Variants in CSMD1 observed in about 807,000 individuals in gnomAD.
CSMD1 encodes the protein CUB and Sushi multiple domains 1, also known as CUB and sushi domain-containing protein 1.
A neutral mutation model predicts 417.5 loss-of-function variants in CSMD1; 213 were observed. That is an observed-to-expected ratio of 0.51 (90% CI 0.46 to 0.57). CSMD1 has a LOEUF of 0.57. CSMD1 is among the 20% of genes least tolerant of loss of function. The probability of loss-of-function intolerance (pLI) is 0.00; values close to 1 mark genes in which losing one functional copy is unlikely to be tolerated. For missense variants in CSMD1, 6,923 were observed against 4,529.7 expected (o/e 1.53, Z -15.17); for synonymous variants, 2,862 against 1,736.8 (o/e 1.65, Z -16.11).
chr8:3,864,158 T>C (rs553591624), intron 5 of CSMD1, among the ~76,000 whole-genome samples: 17 of 152,354 alleles, frequency 1.1e-4, no homozygotes, highest in African/African-American at 4.1e-4. Context: ...TGGATCACCT[T>C]TAATATTATA....
chr8:4,582,238 A>C (rs2725072), intron 2 of CSMD1, among the ~76,000 whole-genome samples: 1 of 151,810 alleles, frequency 6.6e-6, no homozygotes, highest in African/African-American at 2.4e-5. Context: ...GTCAATAATA[A>C]TAAAGGGCTG....
intron 49 of CSMD1, among the ~76,000 whole-genome samples, chr8:3,078,007 C>T (rs953303080): frequency 6.6e-6 from 1 of 152,188 alleles, no homozygotes; most frequent in Non-Finnish European, 1.5e-5. Context: ...TCACACGATC[C>T]CTTTGTTTGC....
chr8:4,392,150 A>T (rs1312730397), intron 3 of CSMD1, among the ~76,000 whole-genome samples: 1 of 152,182 alleles, frequency 6.6e-6, no homozygotes, highest in Non-Finnish European at 1.5e-5. Flanking sequence ...CTGACCACTG[A>T]AACTGTCATG....
At chr8:3,366,218 G>C (rs530444874) in intron 20 of CSMD1, among the ~76,000 whole-genome samples, 43 of 152,276 alleles carry the variant, frequency 2.8e-4, no homozygotes, top group Non-Finnish European at 5.6e-4. Context: ...CAGCTGTAGT[G>C]CAGCAGGGCC....
At chr8:4,789,059 C>T (rs888155331) in intron 1 of CSMD1, among the ~76,000 whole-genome samples, 4 of 152,200 alleles carry the variant, frequency 2.6e-5, no homozygotes, top group African/African-American at 9.7e-5. Flanking sequence ...ATTTATTCAA[C>T]TTCTTGGGAC....
At chr8:4,685,144 T>A (rs894736130) in intron 1 of CSMD1, among the ~76,000 whole-genome samples, 1 of 152,368 alleles carries the variant, frequency 6.6e-6, no homozygotes, top group African/African-American at 2.4e-5. Flanking sequence ...GAAATAATCA[T>A]TGTATGTTGT....
chr8:3,805,282 G>A (rs1360231532), intron 5 of CSMD1, among the ~76,000 whole-genome samples: 2 of 152,146 alleles, frequency 1.3e-5, no homozygotes, highest in African/African-American at 4.8e-5. Flanking sequence ...GCATCGCAGA[G>A]GAAGGAGCCA....
chr8:4,567,321 T>C (rs548204981), intron 2 of CSMD1, among the ~76,000 whole-genome samples: 1 of 152,278 alleles, frequency 6.6e-6, no homozygotes, highest in South Asian at 2.1e-4. Context: ...TTATTAAAAG[T>C]AAGCAAAACA....
At chr8:4,158,456 A>T (rs766263287) in intron 3 of CSMD1, among the ~76,000 whole-genome samples, 7 of 152,192 alleles carry the variant, frequency 4.6e-5, no homozygotes, top group Non-Finnish European at 8.8e-5. Context: ...AGAAACAGTA[A>T]TACTAATACA....
chr8:3,133,171 G>A (rs1490712324), intron 41 of CSMD1, among the ~76,000 whole-genome samples: 2 of 152,174 alleles, frequency 1.3e-5, no homozygotes, highest in Non-Finnish European at 1.5e-5. Context: ...GGGGGAGGCC[G>A]ACCTGGGGCC....
intron 5 of CSMD1, among the ~76,000 whole-genome samples, chr8:3,815,603 A>T (rs1801325237): frequency 6.7e-6 from 1 of 149,614 alleles, no homozygotes; most frequent in Non-Finnish European, 1.5e-5. Context: ...ATGACTTAAA[A>T]ATGTCTATCA....
At chr8:4,290,582 T>A (rs1396904448) in intron 3 of CSMD1, among the ~76,000 whole-genome samples, 1 of 152,350 alleles carries the variant, frequency 6.6e-6, no homozygotes, top group East Asian at 1.9e-4. Flanking sequence ...CTGTCTCCCA[T>A]GCTTCATACA....
At chr8:3,192,829 G>C (rs1360987645) in intron 33 of CSMD1, among the ~76,000 whole-genome samples, 1 of 151,906 alleles carries the variant, frequency 6.6e-6, no homozygotes, top group Non-Finnish European at 1.5e-5. Flanking sequence ...TTGAATTTTG[G>C]ATATTCAGAT....
intron 8 of CSMD1, among the ~76,000 whole-genome samples, chr8:3,606,594 G>C (rs550405375): frequency 6.6e-6 from 1 of 151,988 alleles, no homozygotes; most frequent in Non-Finnish European, 1.5e-5. Context: ...GGACATGACT[G>C]TACACTCCTG....
intron 3 of CSMD1, among the ~76,000 whole-genome samples, chr8:4,419,000 T>C (rs1180518549): frequency 1.3e-5 from 2 of 152,168 alleles, no homozygotes; most frequent in Non-Finnish European, 2.9e-5. Context: ...TCTGCTAATT[T>C]CACTACAGCC....
chr8:3,094,365 A>G (rs576982384), intron 47 of CSMD1, among the ~76,000 whole-genome samples: 88 of 152,256 alleles, frequency 5.8e-4, no homozygotes, highest in South Asian at 1.7e-3. Context: ...TCGGTCTCCT[A>G]AAGTGCTGGG....
chr8:4,275,702 C>T (rs1796446010), intron 3 of CSMD1, among the ~76,000 whole-genome samples: 1 of 152,138 alleles, frequency 6.6e-6, no homozygotes, highest in Non-Finnish European at 1.5e-5. Context: ...AGTGATAATA[C>T]TCAGTGTGAT....
intron 41 of CSMD1, among the ~76,000 whole-genome samples, chr8:3,129,181 C>A (rs1284751589): frequency 6.6e-6 from 1 of 152,144 alleles, no homozygotes; most frequent in East Asian, 1.9e-4. Flanking sequence ...CAAATATTTC[C>A]AGACTCTGCT....
intron 1 of CSMD1, among the ~76,000 whole-genome samples, chr8:4,825,747 G>C (rs1199779048): frequency 6.9e-6 from 1 of 145,982 alleles, no homozygotes; most frequent in Non-Finnish European, 1.5e-5. Flanking sequence ...TAATATCTGA[G>C]ATATAGAGAT....
Sources: allele counts gnomAD v4.1 joint callset (sites outside exome capture counted in the v4.1 genomes callset), GRCh38; gene constraint gnomAD v4.1.1; transcripts MANE v1.5; gene names NCBI Gene and HGNC (gene_info 2026-07-23, HGNC 2026-07-21).